GRM7: variants seen among roughly 807,000 people sequenced by gnomAD.
The protein encoded by GRM7 is metabotropic glutamate receptor 7.
GRM7 carries 35 observed loss-of-function variants against 84.5 expected under a neutral mutation model. That is an observed-to-expected ratio of 0.41 (90% confidence interval 0.32 to 0.55). The LOEUF is 0.55. GRM7 is among the 20% of genes least tolerant of loss of function. The pLI is 0.19. For synonymous variants in GRM7, 487 were observed against 455.1 expected (o/e 1.07, Z -0.89); for missense variants, 1,003 against 1,194.6 (o/e 0.84, Z 2.36).
chr3:7,539,758 T>TA (rs1692769586), intron 7 of GRM7, among the ~76,000 whole-genome samples: 1 of 151,554 alleles, frequency 6.6e-6, no homozygotes, highest in Admixed American at 6.6e-5. Context: ...AAGGAGGAGT[T>TA]AAAGTCTTTA....
chr3:7,442,597 G>C (rs1697334968), intron 5 of GRM7, among the ~76,000 whole-genome samples: 1 of 152,144 alleles, frequency 6.6e-6, no homozygotes, highest in Non-Finnish European at 1.5e-5. Context: ...GCTTAAGGAG[G>C]TGAAGGGGCA....
At position 7,046,968 on chromosome 3, in the gene GRM7, A is replaced by G. The variant is rs17046697; in HGVS notation, c.520-99484A>G. Among the ~76,000 whole-genome samples the G allele has an allele frequency of 1.6e-3, 244 of 152,156 alleles. 1 individual carries two copies. The highest frequency in any genetic ancestry group is 5.6e-3 in the African/African-American group (231 of 41,546). On this transcript the variant is annotated intron_variant, in intron 1 of 9. Coordinates refer to ENST00000357716, the MANE Select transcript of GRM7 (RefSeq NM_000844.4). The stretch of plus-strand genomic sequence containing the variant: ...GTAAATGAAGGATAAGAAAATAAAC[A>G]CTGAAAACAGGAAGGGGATATTTGT...
chr3:7,067,675 T>C (rs963803008), intron 1 of GRM7, among the ~76,000 whole-genome samples: 2 of 151,822 alleles, frequency 1.3e-5, no homozygotes, highest in African/African-American at 4.8e-5. Flanking sequence ...ATGGGTCAAG[T>C]CTGGGAAGAC....
At chr3:7,693,631 A>G (rs773094068) in intron 9 of GRM7, 2 of 1,515,782 alleles carry the variant, frequency 1.3e-6, no homozygotes, top group Non-Finnish European at 1.8e-6. Context: ...GTTTTTATTC[A>G]GGTGAGAAGT....
intron 1 of GRM7, among the ~76,000 whole-genome samples, chr3:6,873,232 T>C (rs1204016508): frequency 2.0e-5 from 3 of 152,104 alleles, no homozygotes; most frequent in African/African-American, 4.8e-5. Flanking sequence ...CCACCAGGCC[T>C]GGCTAATTTT....
chr3:7,130,346 A>C lies in GRM7; in HGVS notation c.520-16106A>C, dbSNP rs1693550330. Among the ~76,000 whole-genome samples, 3 of 152,280 alleles carry C rather than the reference A, an allele frequency of 2.0e-5. No homozygotes were observed. The South Asian group carries it at 6.2e-4, about 32-fold the overall frequency. On this transcript the variant is annotated intron_variant, in intron 1 of 9. Transcript: ENST00000357716. ...ATCACGAAGTTAGGAGTTTGAGACC[A>C]GTCTGGCCAACATAGTGAAACCCTG...
chr3:7,605,132 T>C (rs935624520), intron 8 of GRM7, among the ~76,000 whole-genome samples: 3 of 152,136 alleles, frequency 2.0e-5, no homozygotes, highest in African/African-American at 7.2e-5. Context: ...TCTGAAAAAC[T>C]GCCCAGATGA....
At chr3:7,172,392 G>T (rs192815116) in intron 2 of GRM7, among the ~76,000 whole-genome samples, 1 of 151,986 alleles carries the variant, frequency 6.6e-6, no homozygotes, top group African/African-American at 2.4e-5. Flanking sequence ...TGACACTGTG[G>T]CCTTAACTCT....
intron 2 of GRM7, among the ~76,000 whole-genome samples, chr3:7,147,439 T>C (rs1425552865): frequency 6.6e-6 from 1 of 152,200 alleles, no homozygotes; most frequent in African/African-American, 2.4e-5. Context: ...ACTCTTCTTA[T>C]GTTGAAATGG....
chr3:7,344,602 A>G (rs1008249313), intron 4 of GRM7, among the ~76,000 whole-genome samples: 4 of 152,244 alleles, frequency 2.6e-5, no homozygotes, highest in African/African-American at 7.2e-5. Context: ...AAAAAATTAT[A>G]TAAAAGCCTG....
intron 1 of GRM7, among the ~76,000 whole-genome samples, chr3:6,869,465 A>T (rs1695041310): frequency 6.6e-6 from 1 of 152,046 alleles, no homozygotes; most frequent in African/African-American, 2.4e-5. Flanking sequence ...CATTATTGCT[A>T]ATTTTGAATT....
chr3:7,689,599 C>T (rs371996285), intron 9 of GRM7, among the ~76,000 whole-genome samples: 8 of 152,178 alleles, frequency 5.3e-5, no homozygotes, highest in Admixed American at 1.3e-4. Context: ...TAATATCTGC[C>T]GTCTTGGTTC....
intron 4 of GRM7, among the ~76,000 whole-genome samples, chr3:7,400,665 G>T (rs1451723361): frequency 6.6e-6 from 1 of 152,134 alleles, no homozygotes; most frequent in African/African-American, 2.4e-5. Flanking sequence ...TGGCATAAAT[G>T]TGTATCATTC....
At chr3:7,225,321 G>T (rs1696946890) in intron 2 of GRM7, among the ~76,000 whole-genome samples, 1 of 149,236 alleles carries the variant, frequency 6.7e-6, no homozygotes, top group Admixed American at 6.7e-5. Context: ...CAGCAGCATT[G>T]GGTTATAATA....
At chr3:7,230,083 C>T (rs2124897931) in intron 2 of GRM7, among the ~76,000 whole-genome samples, 1 of 151,860 alleles carries the variant, frequency 6.6e-6, no homozygotes, top group East Asian at 2.0e-4. Flanking sequence ...TTGTGATCCA[C>T]CCACCTCGGC....
intron 1 of GRM7, among the ~76,000 whole-genome samples, chr3:6,955,110 C>T (rs527725758): frequency 5.9e-4 from 90 of 152,318 alleles, no homozygotes; most frequent in South Asian, 5.4e-3. Context: ...TCACCCTAGG[C>T]AAGTTGACCT....
At chr3:7,400,180 A>C (rs894694883) in intron 4 of GRM7, among the ~76,000 whole-genome samples, 1 of 152,172 alleles carries the variant, frequency 6.6e-6, no homozygotes, top group Non-Finnish European at 1.5e-5. Flanking sequence ...TGAGACAGGC[A>C]TCTTCCCTGG....
At chr3:7,541,315 G>T (rs927503389) in intron 7 of GRM7, among the ~76,000 whole-genome samples, 1 of 152,000 alleles carries the variant, frequency 6.6e-6, no homozygotes, top group Non-Finnish European at 1.5e-5. Flanking sequence ...GAAATTTGGA[G>T]CCAAACTTAT....
intron 1 of GRM7, among the ~76,000 whole-genome samples, chr3:7,084,545 C>G (rs1205873701): frequency 6.6e-6 from 1 of 152,054 alleles, no homozygotes; most frequent in Non-Finnish European, 1.5e-5. Context: ...ACACTGAGGT[C>G]TTTGAACTAA....
Sources: gnomAD v4.1 joint callset for allele counts (sites outside exome capture counted in the v4.1 genomes callset) on GRCh38, gnomAD v4.1.1 for gene constraint, MANE v1.5 for transcripts, NCBI Gene and HGNC (gene_info 2026-07-23, HGNC 2026-07-21) for gene names.